Variants in SPTBN1 observed in about 807,000 individuals in gnomAD.
The protein encoded by SPTBN1 is spectrin beta chain, non-erythrocytic 1.
In SPTBN1, 32 loss-of-function variants were observed where a neutral mutation model predicts 266.4. The ratio of observed to expected loss-of-function variants is 0.12; its 90% CI spans 0.09 to 0.16. The LOEUF (loss-of-function observed/expected upper bound fraction) is 0.16, where lower values mean the gene tolerates loss of function less well. SPTBN1 is among the 10% of genes least tolerant of loss of function. SPTBN1 has a pLI of 1.00. For missense variants in SPTBN1, 2,296 were observed against 3,067.1 expected (o/e 0.75, Z 5.94); for synonymous variants, 1,336 against 1,162.2 (o/e 1.15, Z -3.04).
chr2:54,611,337 T>C (rs1677197459), intron 3 of SPTBN1, among the ~76,000 whole-genome samples: 1 of 152,176 alleles, frequency 6.6e-6, no homozygotes, highest in Non-Finnish European at 1.5e-5. Context: ...CAGGCCCAAC[T>C]AAAGGTCAAC....
intron 2 of SPTBN1, among the ~76,000 whole-genome samples, chr2:54,576,498 A>G (rs1674489130): frequency 6.6e-6 from 1 of 152,096 alleles, no homozygotes; most frequent in Non-Finnish European, 1.5e-5. Flanking sequence ...AAGAAGTAGT[A>G]CTTTCTAGAA....
chr2:54,658,090 C>A, intron 30 of SPTBN1, 44 bp downstream of exon 30: 8 of 1,607,452 alleles, frequency 5.0e-6, no homozygotes, highest in Non-Finnish European at 6.0e-6. Flanking sequence ...CCCTGGGCAG[C>A]CTTTTCTTCC....
intron 2 of SPTBN1, among the ~76,000 whole-genome samples, chr2:54,561,877 A>AT (rs1032184238): frequency 1.5e-5 from 1 of 66,648 alleles, no homozygotes. Context: ...AATAAGTGTG[A>AT]TTAAAAAAAA....
chr2:54,607,251 A>G (rs1023074462), intron 3 of SPTBN1, among the ~76,000 whole-genome samples: 1 of 152,262 alleles, frequency 6.6e-6, no homozygotes, highest in Non-Finnish European at 1.5e-5. Context: ...CAGTGATACA[A>G]TTTTTTAAAA....
At chr2:54,537,059 G>A (rs1161116717) in intron 2 of SPTBN1, among the ~76,000 whole-genome samples, 1 of 152,110 alleles carries the variant, frequency 6.6e-6, no homozygotes, top group East Asian at 1.9e-4. Context: ...ACATACAAGA[G>A]AGTTATTACA....
chr2:54,582,595 T>A (rs908446892), intron 2 of SPTBN1, among the ~76,000 whole-genome samples: 1 of 151,758 alleles, frequency 6.6e-6, no homozygotes, highest in Admixed American at 6.6e-5. Flanking sequence ...TATGGAGGAT[T>A]CTTTCTGATG....
chr2:54,605,785 C>T (rs1676796156), intron 3 of SPTBN1, among the ~76,000 whole-genome samples: 1 of 152,184 alleles, frequency 6.6e-6, no homozygotes, highest in Admixed American at 6.5e-5. Flanking sequence ...CGTATAGTAC[C>T]ACCAGGAGGT....
intron 1 of SPTBN1, among the ~76,000 whole-genome samples, chr2:54,498,473 G>C (rs1315763913): frequency 2.6e-5 from 4 of 152,120 alleles, no homozygotes; most frequent in African/African-American, 9.7e-5. Flanking sequence ...AACATTCCCT[G>C]AGCGCTTTAT....
rs1238205215 is a variant in SPTBN1, at chr2:54,564,762, CCCTT to C, written c.149-34325_149-34322del. Among the ~76,000 whole-genome samples, 3 of 152,170 alleles carry C rather than the reference CCCTT, an allele frequency of 2.0e-5. No homozygotes were observed. In the East Asian group the frequency reaches 5.8e-4, roughly 29 times the overall value. On this transcript the variant is annotated intron_variant, in intron 2 of 35. Transcript: ENST00000356805. ...GGAGGTCAACATCCCTGCTTGGACTCCCTTCCTTTTAAGATTTGAAGTTTCAGCG... is the reference window on the plus strand; with the variant it reads ...GGAGGTCAACATCCCTGCTTGGACTCCCTTTTAAGATTTGAAGTTTCAGCG...
intron 1 of SPTBN1, chr2:54,516,471 C>T (rs1203767787): frequency 6.6e-6 from 1 of 152,130 alleles, no homozygotes; most frequent in East Asian, 1.9e-4. Context: ...ATGATAAAAG[C>T]ATCATAGCTG....
chr2:54,473,503 GT>G (rs148184623), intron 1 of SPTBN1, among the ~76,000 whole-genome samples: 2 of 147,934 alleles, frequency 1.4e-5, no homozygotes, highest in African/African-American at 2.5e-5. Context: ...CTCCAGTTTT[GT>G]TTTTTTTTTA....
rs754606003 is a variant in SPTBN1 at position 54,646,526 on chromosome 2, C to T, written c.4866+51C>T. On this transcript the variant is annotated intron_variant, in intron 23 of 35. Transcript: ENST00000356805. The surrounding 1 kb of genome is among the most constrained non-coding windows in gnomAD (Gnocchi z 4.4). ...GTCCCAGGAGAGCCTCAGATTCAAA[C>T]CCTGGGCACACTTTCTGCTGGCGGC... 7 of 1,440,510 alleles carry T rather than the reference C, an allele frequency of 4.9e-6. No individual in the cohort carries two copies. In the East Asian group the frequency reaches 1.5e-4, roughly 31 times the overall value. The allele number at this position is 1,440,510 out of a possible 1,614,324, so 89.2% of individuals were successfully genotyped here.
chr2:54,667,480 T>C (rs1330443425), intron 34 of SPTBN1, 124 bp from the exon 35 acceptor site: 7 of 846,330 alleles, frequency 8.3e-6, no homozygotes, highest in Admixed American at 6.9e-5. Flanking sequence ...TGGTGACATA[T>C]GTAGGTTGAC....
rs753549564 is a variant in SPTBN1 at position 54,628,938 on chromosome 2, A to C, written c.1804A>C (p.Lys602Gln). The change falls in exon 14 of 36, where the codon AAG becomes CAG. Residue 602 changes from lysine (K) to glutamine (Q), a missense_variant. Physicochemically the swap from Lys to Gln is moderately conservative, Grantham distance 53. Transcript: ENST00000356805. This position sits in a 1 kb window ranked among gnomAD's most constrained non-coding sequence, Gnocchi z 4.3. ...QKFATDGEGY[K>Q]PCDPQVIRDR... ...CCTTCCTTGATGTTAAACAGGTTACAAGCCCTGTGACCCCCAGGTGATCCG... is the reference window on the plus strand; with the variant it reads ...CCTTCCTTGATGTTAAACAGGTTACCAGCCCTGTGACCCCCAGGTGATCCG... The C allele has an allele frequency of 6.3e-7, 1 of 1,596,886 alleles. No homozygotes were observed. The highest frequency in any genetic ancestry group is 8.5e-7 in the Non-Finnish European group (1 of 1,171,480).
intron 32 of SPTBN1, chr2:54,663,457 A>G (rs1240608171): frequency 1.3e-5 from 2 of 152,230 alleles, no homozygotes; most frequent in Admixed American, 1.3e-4. Context: ...TTGATGGTAC[A>G]CAGGCTGAAA....
At chr2:54,609,454 G>A (rs1232010819) in intron 3 of SPTBN1, among the ~76,000 whole-genome samples, 2 of 152,306 alleles carry the variant, frequency 1.3e-5, no homozygotes, top group South Asian at 2.1e-4. Context: ...TTTCAGGCTC[G>A]ATGGCTTTCA....
chr2:54,547,820 T>A (rs1436269822), intron 2 of SPTBN1, among the ~76,000 whole-genome samples: 2 of 152,218 alleles, frequency 1.3e-5, no homozygotes, highest in African/African-American at 4.8e-5. Context: ...AGTCTTTCTC[T>A]TCTTTCTCTT....
intron 2 of SPTBN1, chr2:54,528,302 G>A (rs1031119485): frequency 6.6e-6 from 1 of 152,544 alleles, no homozygotes; most frequent in Non-Finnish European, 1.5e-5. Flanking sequence ...CCTTTCTAAA[G>A]GACCATTTTG....
chr2:54,583,306 C>T (rs1369030244), intron 2 of SPTBN1, among the ~76,000 whole-genome samples: 4 of 152,176 alleles, frequency 2.6e-5, no homozygotes, highest in Admixed American at 6.5e-5. Context: ...AAACTGTAAA[C>T]TCTTTCTGCT....
Sources: allele counts gnomAD v4.1 joint callset (sites outside exome capture counted in the v4.1 genomes callset), GRCh38; gene constraint gnomAD v4.1.1; non-coding constraint Gnocchi (gnomAD v3.1); transcripts MANE v1.5; gene names NCBI Gene and HGNC (gene_info 2026-07-23, HGNC 2026-07-21).